ARID4B: variants seen among roughly 807,000 people sequenced by gnomAD.
ARID4B encodes the protein AT-rich interactive domain-containing protein 4B.
A neutral mutation model predicts 147.5 loss-of-function variants in ARID4B; 26 were observed. That is an observed-to-expected ratio of 0.18 (90% confidence interval 0.13 to 0.24). The LOEUF (loss-of-function observed/expected upper bound fraction) is 0.24, where lower values mean the gene tolerates loss of function less well. ARID4B is among the 10% of genes least tolerant of loss of function. ARID4B has a pLI of 1.00. For missense variants in ARID4B, 1,179 were observed against 1,511.5 expected, an observed-to-expected ratio of 0.78 and a Z score of 3.65; for synonymous variants, 512 against 507.9, an observed-to-expected ratio of 1.01 and a Z score of -0.11.
chr1:235,249,287 C>G (rs181121551), intron 6 of ARID4B, among the ~76,000 whole-genome samples: 2 of 152,092 alleles, frequency 1.3e-5, no homozygotes, highest in African/African-American at 4.8e-5. Context: ...AAGCCAAGAT[C>G]ATGCCGCTGT....
chr1:235,296,319 C>G (rs1348216692), intron 2 of ARID4B: 2 of 152,532 alleles, frequency 1.3e-5, no homozygotes, highest in Non-Finnish European at 2.9e-5. Context: ...ACGTTGCCAA[C>G]AAAATTGGGA....
At chr1:235,267,250 C>G (rs1462346385) in intron 2 of ARID4B, among the ~76,000 whole-genome samples, 1 of 152,078 alleles carries the variant, frequency 6.6e-6, no homozygotes, top group East Asian at 1.9e-4. Flanking sequence ...GGCACTCCAG[C>G]CGGGTTGACA....
At chr1:235,253,415 G>C (rs1359882979) in intron 5 of ARID4B, among the ~76,000 whole-genome samples, 1 of 152,096 alleles carries the variant, frequency 6.6e-6, no homozygotes, top group Non-Finnish European at 1.5e-5. Flanking sequence ...AATGTCTCCA[G>C]CTCCAGGCAT....
intron 18 of ARID4B, among the ~76,000 whole-genome samples, chr1:235,195,720 T>C (rs1665448896): frequency 1.3e-5 from 2 of 152,186 alleles, no homozygotes; most frequent in Non-Finnish European, 2.9e-5. Context: ...AATAATAACC[T>C]ATGTCTCTCC....
At chr1:235,307,355 A>C (rs777959194) in intron 2 of ARID4B, among the ~76,000 whole-genome samples, 4 of 152,220 alleles carry the variant, frequency 2.6e-5, no homozygotes, top group Admixed American at 6.5e-5. Context: ...TGAGATGGGA[A>C]GATCCCTTGA....
At chr1:235,209,945 T>C (rs1020595882) in intron 17 of ARID4B, among the ~76,000 whole-genome samples, 2 of 152,128 alleles carry the variant, frequency 1.3e-5, no homozygotes, top group Non-Finnish European at 2.9e-5. Context: ...ACATGTTTCA[T>C]GGCCAGGAGC....
intron 2 of ARID4B, among the ~76,000 whole-genome samples, chr1:235,275,750 C>G (rs1671276399): frequency 6.6e-6 from 1 of 152,160 alleles, no homozygotes; most frequent in South Asian, 2.1e-4. Flanking sequence ...ATTGAGCACC[C>G]ACAATGCCCT....
Position 235,252,813 on chromosome 1 carries a change from T to G in ARID4B, c.275-4A>C. On this transcript the variant is annotated splice_polypyrimidine_tract_variant and splice_region_variant and intron_variant, in intron 5 of 23. Transcript: ENST00000264183. ...TTCTCATCTCCGTCATCAAAAACTATGAGAGGGGGTAAAAATGGAAGCTAC... is the reference window on the plus strand; with the variant it reads ...TTCTCATCTCCGTCATCAAAAACTAGGAGAGGGGGTAAAAATGGAAGCTAC... The G allele has an allele frequency of 6.2e-7, 1 of 1,607,352 alleles. No individual in the cohort carries two copies. The highest frequency in any genetic ancestry group is 8.5e-7 in the Non-Finnish European group (1 of 1,176,804).
intron 6 of ARID4B, among the ~76,000 whole-genome samples, chr1:235,251,346 C>A (rs1211481756): frequency 6.6e-6 from 1 of 151,808 alleles, no homozygotes; most frequent in African/African-American, 2.4e-5. Flanking sequence ...AAGTGAGATT[C>A]CAACAAGAGG....
At position 235,201,015 on chromosome 1, in the gene ARID4B, G is replaced by C. The variant is rs528386405; in HGVS notation, c.1842-4900C>G. The stretch of plus-strand genomic sequence containing the variant: ...AAAAAATTAGCTGGCTGTGGCGGCG[G>C]GCACCTGTAGTCCCAGATACTTGGG... On this transcript the variant is annotated intron_variant, in intron 17 of 23. Transcript: ENST00000264183. 2.0e-5 allele frequency among the ~76,000 whole-genome samples: 3 copies of C among 152,132 alleles called. No homozygotes were observed. In the South Asian group the frequency reaches 6.2e-4, roughly 32 times the overall value.
chr1:235,255,262 GAT>G (rs1338290249), intron 5 of ARID4B, among the ~76,000 whole-genome samples: 3,027 of 56,096 alleles, frequency 0.054, 77 homozygotes, highest in South Asian at 0.17. Context: ...TAGATAGATA[GAT>G]ATATATCTCT....
chr1:235,286,686 G>C (rs1322865108), intron 2 of ARID4B, among the ~76,000 whole-genome samples: 1 of 152,250 alleles, frequency 6.6e-6, no homozygotes, highest in African/African-American at 2.4e-5. Flanking sequence ...ACCATAGCCA[G>C]AGTTCTGGAG....
rs1022707700 is a variant in ARID4B, at chr1:235,177,435, GT to G, written c.3448+364del. Among the ~76,000 whole-genome samples, 4 of 151,792 alleles carry G rather than the reference GT, an allele frequency of 2.6e-5. No individual in the cohort carries two copies. The South Asian group carries it at 6.3e-4, about 24-fold the overall frequency. The stretch of plus-strand genomic sequence containing the variant: ...ATTTACCTAAGATTAGAAAACCTGT[GT>G]TTTTTTTGTTTTGTTTTGTTTGTTT... On this transcript the variant is annotated intron_variant, in intron 21 of 23. Coordinates refer to ENST00000264183, the MANE Select transcript of ARID4B (RefSeq NM_016374.6).
At chr1:235,216,409 G>A (rs540518493) in intron 16 of ARID4B, among the ~76,000 whole-genome samples, 4 of 151,924 alleles carry the variant, frequency 2.6e-5, no homozygotes, top group Admixed American at 6.6e-5. Context: ...GTACAGTGGC[G>A]TGATCTCAGC....
intron 6 of ARID4B, among the ~76,000 whole-genome samples, chr1:235,249,849 A>T (rs1472303704): frequency 1.3e-5 from 2 of 151,618 alleles, no homozygotes; most frequent in African/African-American, 2.4e-5. Context: ...CTGAGGCAGG[A>T]GAATCACTTG....
chr1:235,195,993 T>C (rs1665465257), intron 18 of ARID4B, 38 bp downstream of exon 18: 1 of 1,279,150 alleles, frequency 7.8e-7, no homozygotes, highest in South Asian at 1.3e-5. Flanking sequence ...AAACTTCTTT[T>C]TAAGAGCTAA....
intron 2 of ARID4B, among the ~76,000 whole-genome samples, chr1:235,269,968 G>T (rs1385665778): frequency 1.3e-5 from 2 of 151,354 alleles, no homozygotes; most frequent in Non-Finnish European, 2.9e-5. Flanking sequence ...TTGCTGGATT[G>T]TAAGAGTTAC....
At chr1:235,253,259 C>T (rs1217373424) in intron 5 of ARID4B, among the ~76,000 whole-genome samples, 1 of 152,176 alleles carries the variant, frequency 6.6e-6, no homozygotes, top group Non-Finnish European at 1.5e-5. Context: ...GTTTCTCACC[C>T]TTAGCACTGT....
In ARID4B at chr1:235,238,075, C is replaced by T. The variant is rs187475198; in HGVS notation, c.585+2238G>A. 3.2e-3 allele frequency among the ~76,000 whole-genome samples: 478 copies of T among 147,348 alleles called. 3 individuals carry two copies. Among genetic ancestry groups the T allele is most frequent in the Middle Eastern group, 0.025 (7 of 284 alleles). On this transcript the variant is annotated intron_variant, in intron 8 of 23. Transcript: ENST00000264183. Reference sequence around the variant, plus strand: ...AGGAGGATCACTTGAACCTGGGAGGCGGAGTTGCAGTGAGCCGAGATCGCA... The same window carrying T: ...AGGAGGATCACTTGAACCTGGGAGGTGGAGTTGCAGTGAGCCGAGATCGCA...
Sources: gnomAD v4.1 joint callset for allele counts (sites outside exome capture counted in the v4.1 genomes callset) on GRCh38, gnomAD v4.1.1 for gene constraint, MANE v1.5 for transcripts, NCBI Gene and HGNC (gene_info 2026-07-23, HGNC 2026-07-21) for gene names.